The following LNX1 variants were observed in gnomAD, a reference collection of about 807,000 sequenced individuals.
LNX1 encodes ligand of numb-protein X 1, also known as E3 ubiquitin-protein ligase LNX.
In LNX1, 54 loss-of-function variants were observed where a neutral mutation model predicts 68.4. That is an observed-to-expected ratio of 0.79 (90% CI 0.63 to 0.99). LNX1 has a LOEUF of 0.99. LNX1 is among the 50% of genes least tolerant of loss of function. The pLI is 0.00. For synonymous variants in LNX1, 336 were observed against 350.0 expected (o/e 0.96, Z 0.45); for missense variants, 906 against 926.4 (o/e 0.98, Z 0.29).
chr4:53,474,265 G>A (rs1723420729), intron 9 of LNX1, among the ~76,000 whole-genome samples: 2 of 152,202 alleles, frequency 1.3e-5, no homozygotes, highest in African/African-American at 4.8e-5. Context: ...CTACCATTGT[G>A]TTTGTGTGTA....
At chr4:53,527,700 AGCTCAT>A (rs1427832960) in intron 2 of LNX1, among the ~76,000 whole-genome samples, 2 of 152,192 alleles carry the variant, frequency 1.3e-5, no homozygotes, top group Non-Finnish European at 2.9e-5. Context: ...TTGGTGGTAA[AGCTCAT>A]ACTCACACAT....
At chr4:53,487,251 T>G (rs1164797034) in intron 6 of LNX1, among the ~76,000 whole-genome samples, 2 of 152,198 alleles carry the variant, frequency 1.3e-5, no homozygotes, top group African/African-American at 2.4e-5. Context: ...ATACAGTGAC[T>G]ATGAGGGCCA....
Position 53,519,958 on chromosome 4 carries a change from G to T in LNX1, c.381-11731C>A, listed in dbSNP as rs141026198. Among the ~76,000 whole-genome samples the T allele has an allele frequency of 5.9e-5, 9 of 152,340 alleles. No homozygotes were observed. In the East Asian group the frequency reaches 1.7e-3, roughly 29 times the overall value. The stretch of plus-strand genomic sequence containing the variant: ...GTCCAAGGCAAACCGATGTGCTGGT[G>T]CTCACCCTATAAGTGACAGAGACAG... On this transcript the variant is annotated intron_variant, in intron 2 of 10. Transcript: ENST00000263925.
At chr4:53,518,099 C>T (rs1450968363) in intron 2 of LNX1, among the ~76,000 whole-genome samples, 1 of 152,154 alleles carries the variant, frequency 6.6e-6, no homozygotes, top group African/African-American at 2.4e-5. Flanking sequence ...GCTGGAAAGT[C>T]ATGTGAAAAT....
At chr4:53,517,401 T>C (rs1726865969) in intron 2 of LNX1, among the ~76,000 whole-genome samples, 1 of 152,180 alleles carries the variant, frequency 6.6e-6, no homozygotes, top group African/African-American at 2.4e-5. Context: ...CCAAAACAGT[T>C]CCACTTGCAC....
intron 1 of LNX1, among the ~76,000 whole-genome samples, chr4:53,642,774 T>C (rs1734734403): frequency 1.3e-5 from 2 of 152,274 alleles, no homozygotes; most frequent in East Asian, 3.9e-4. Context: ...TGTCTCTGCT[T>C]ACTTTGAGAT....
intron 9 of LNX1, among the ~76,000 whole-genome samples, chr4:53,463,294 AAC>A (rs1318177455): frequency 2.0e-5 from 3 of 152,108 alleles, no homozygotes; most frequent in Non-Finnish European, 4.4e-5. Context: ...GTTTAAACAA[AAC>A]ACAAAATCCC....
intron 1 of LNX1, among the ~76,000 whole-genome samples, chr4:53,639,465 A>C (rs1734596633): frequency 6.6e-6 from 1 of 152,198 alleles, no homozygotes; most frequent in Non-Finnish European, 1.5e-5. Context: ...TCTGCTTCCT[A>C]ATAAATTTTC....
intron 7 of LNX1, 137 bp from the exon 8 acceptor site, chr4:53,478,879 A>T: frequency 1.3e-6 from 1 of 786,762 alleles, no homozygotes; most frequent in Non-Finnish European, 2.0e-6. Context: ...AAGTGCATAA[A>T]TACAATGGTG....
At position 53,491,539 on chromosome 4, in the gene LNX1, C is replaced by G. The variant is rs186664561; in HGVS notation, c.1350+4484G>C. Among the ~76,000 whole-genome samples, 10 of 152,240 alleles carry G rather than the reference C, an allele frequency of 6.6e-5. No homozygotes were observed. In the East Asian group the frequency reaches 1.9e-3, roughly 29 times the overall value. On this transcript the variant is annotated intron_variant, in intron 6 of 10. Coordinates refer to ENST00000263925, the MANE Select transcript of LNX1 (RefSeq NM_001126328.3). The stretch of plus-strand genomic sequence containing the variant: ...TCTTGGCACAAAGAAGTTGCTCAGT[C>G]AATAATCACTGAACAAATTCAAGGA...
At chr4:53,633,691 A>C (rs1734360570) in intron 1 of LNX1, among the ~76,000 whole-genome samples, 1 of 152,212 alleles carries the variant, frequency 6.6e-6, no homozygotes, top group African/African-American at 2.4e-5. Context: ...GGCCATTAAA[A>C]ATGGATTAGG....
intron 2 of LNX1, among the ~76,000 whole-genome samples, chr4:53,600,737 T>A (rs967662197): frequency 6.8e-6 from 1 of 146,154 alleles, no homozygotes; most frequent in African/African-American, 2.5e-5. Flanking sequence ...TATTTTTATT[T>A]TTTCAATTTT....
At chr4:53,587,251 C>T (rs555641286) in intron 1 of LNX1, among the ~76,000 whole-genome samples, 7 of 152,262 alleles carry the variant, frequency 4.6e-5, no homozygotes, top group South Asian at 2.1e-4. Context: ...AGAAAGTTTA[C>T]GGGAGACAAC....
intron 2 of LNX1, among the ~76,000 whole-genome samples, chr4:53,541,545 A>C (rs979709160): frequency 6.6e-6 from 1 of 152,016 alleles, no homozygotes; most frequent in African/African-American, 2.4e-5. Context: ...TTTATATCAA[A>C]TGGAAAAAGC....
At position 53,515,926 on chromosome 4, in the gene LNX1, G is replaced by C. The variant is rs1400426445; in HGVS notation, c.381-7699C>G. 2.0e-5 allele frequency among the ~76,000 whole-genome samples: 3 copies of C among 152,224 alleles called. No homozygotes were observed. In the East Asian group the frequency reaches 5.8e-4, roughly 29 times the overall value. On this transcript the variant is annotated intron_variant, in intron 2 of 10. Coordinates refer to ENST00000263925, the MANE Select transcript of LNX1 (RefSeq NM_001126328.3). ...GCCTTGTTTCTCATACATAAAATGG[G>C]CACAGTGTTTATTTACCATGAGGTT...
intron 1 of LNX1, among the ~76,000 whole-genome samples, chr4:53,582,399 T>C (rs2109800774): frequency 6.6e-6 from 1 of 150,944 alleles, no homozygotes; most frequent in East Asian, 2.0e-4. Flanking sequence ...TCACAAAAGA[T>C]CACAAAACGA....
intron 2 of LNX1, among the ~76,000 whole-genome samples, chr4:53,612,685 G>C (rs993095998): frequency 6.8e-6 from 1 of 145,988 alleles, no homozygotes; most frequent in Non-Finnish European, 1.5e-5. Flanking sequence ...GCTGGGTATG[G>C]TATGCCAGCT....
intron 2 of LNX1, among the ~76,000 whole-genome samples, chr4:53,536,845 TG>T (rs1386303296): frequency 6.6e-6 from 1 of 152,232 alleles, no homozygotes; most frequent in Non-Finnish European, 1.5e-5. Flanking sequence ...ACAAAAGACA[TG>T]GTAGATTGCA....
At chr4:53,633,554 C>A (rs1164334979) in intron 1 of LNX1, among the ~76,000 whole-genome samples, 1 of 152,112 alleles carries the variant, frequency 6.6e-6, no homozygotes, top group East Asian at 1.9e-4. Context: ...TCAGTTTTTG[C>A]CAGCTAGGCA....
Sources: allele counts gnomAD v4.1 joint callset (sites outside exome capture counted in the v4.1 genomes callset), GRCh38; gene constraint gnomAD v4.1.1; transcripts MANE v1.5; gene names NCBI Gene and HGNC (gene_info 2026-07-23, HGNC 2026-07-21).